UNC45A: variants seen among roughly 807,000 people sequenced by gnomAD.
UNC45A encodes the protein protein unc-45 homolog A.
A neutral mutation model predicts 103.2 loss-of-function variants in UNC45A; 78 were observed. The observed-to-expected ratio is 0.76, with a 90% CI of 0.63 to 0.91. The LOEUF (loss-of-function observed/expected upper bound fraction) is 0.91, where lower values mean the gene tolerates loss of function less well. Among genes scored for constraint, UNC45A ranks in the 40% least tolerant of loss-of-function variants. The pLI is 0.00. For missense variants in UNC45A, 1,193 were observed against 1,224.8 expected (o/e 0.97, Z 0.39); for synonymous variants, 495 against 504.6 (o/e 0.98, Z 0.25).
chr15:90,938,574 G>A (rs1053239983), intron 4 of UNC45A, among the ~76,000 whole-genome samples: 3 of 152,094 alleles, frequency 2.0e-5, no homozygotes, highest in Admixed American at 6.5e-5. Flanking sequence ...AGAGGAAGGC[G>A]GGTGGTCCAC....
At chr15:90,932,324 C>A, upstream of UNC45A, 1 of 824,298 alleles carries the variant, frequency 1.2e-6, no homozygotes, top group Non-Finnish European at 1.8e-6. Flanking sequence ...TCGCACTAAG[C>A]TTGGGACAAA....
In UNC45A at chr15:90,935,629, A is replaced by C. The variant is rs34963697; in HGVS notation, c.137A>C (p.Gln46Pro). 2.5e-6 allele frequency: 4 copies of C among 1,612,892 alleles called. No homozygotes were observed. The highest frequency in any genetic ancestry group is 3.4e-6 in the Non-Finnish European group (4 of 1,179,582). The change falls in exon 2 of 20, where the codon CAG becomes CCG. Residue 46 changes from glutamine (Q) to proline (P), a missense_variant. Gln to Pro is a moderately conservative substitution (Grantham distance 76). Transcript: ENST00000418476. Reference protein sequence around the residue: ...DYGGALAAYTQALGLDATPQD... With the variant: ...DYGGALAAYTPALGLDATPQD... ...GGGGGCGCCCTGGCGGCCTACACTCAGGCCCTGGGTCTGGACGCGACGCCC... is the reference window on the plus strand; with the variant it reads ...GGGGGCGCCCTGGCGGCCTACACTCCGGCCCTGGGTCTGGACGCGACGCCC...
In UNC45A at chr15:90,950,532, G is replaced by A; in HGVS notation, c.2220G>A (p.Leu740=). 2.5e-6 allele frequency: 4 copies of A among 1,614,134 alleles called. No individual in the cohort carries two copies. Among genetic ancestry groups the A allele is most frequent in the Non-Finnish European group, 3.4e-6 (4 of 1,180,016 alleles). The change falls in exon 17 of 20, where the codon CTG becomes CTA. Residue 740 remains leucine, a synonymous_variant. Transcript: ENST00000418476. The part of the protein sequence containing the change: ...IYEVVRPLVS[L]LHLNCSGLQN... ...AGGTGGTCCGGCCCCTCGTCTCCCT[G>A]TTGCACCTCAACTGCTCAGGCCTGC...
chr15:90,948,691 C>T lies in UNC45A; in HGVS notation c.1775C>T (p.Ala592Val), dbSNP rs374735140. ...TCAGTGCTCTTTGCGGTGGCCTCAGCGCTGGTGAACTGCACCAACAGCTAT... is the reference window on the plus strand; with the variant it reads ...TCAGTGCTCTTTGCGGTGGCCTCAGTGCTGGTGAACTGCACCAACAGCTAT... ...ERSVLFAVAS[A>V]LVNCTNSYDY... The change falls in exon 13 of 20, where the codon GCG (alanine) becomes GTG (valine). Residue 592 changes from alanine to valine, a missense_variant. Physicochemically the swap from Ala to Val is moderately conservative, Grantham distance 64. Coordinates refer to ENST00000418476, the MANE Select transcript of UNC45A (RefSeq NM_018671.5). The T allele has an allele frequency of 6.8e-6, 11 of 1,613,920 alleles. No homozygotes were observed. The highest frequency in any genetic ancestry group is 1.6e-4 in the Middle Eastern group (1 of 6,080).
At position 90,953,016 on chromosome 15, in the gene UNC45A, G is replaced by A. The variant is rs2037006189; in HGVS notation, c.2391G>A (p.Glu797=). 6.2e-7 allele frequency: 1 copy of A among 1,613,522 alleles called. No homozygotes were observed. The highest frequency in any genetic ancestry group is 1.1e-5 in the South Asian group (1 of 91,086). ...EHEMIRRAAT[E]CMCNLAMSKE... ...AGATGATCCGCCGGGCAGCCACGGAGTGCATGTGTAACTTGGCCATGAGCA... is the reference window on the plus strand; with the variant it reads ...AGATGATCCGCCGGGCAGCCACGGAATGCATGTGTAACTTGGCCATGAGCA... Residue 797 remains glutamate, a synonymous_variant, in exon 18 of 20, where the codon GAG becomes GAA. Coordinates refer to ENST00000418476, the MANE Select transcript of UNC45A (RefSeq NM_018671.5).
chr15:90,948,963 G>A (rs1567160173), intron 13 of UNC45A, among the ~76,000 whole-genome samples, 169 bp downstream of exon 13: 2 of 142,324 alleles, frequency 1.4e-5, no homozygotes, highest in African/African-American at 2.7e-5. Flanking sequence ...TGCAAGCTCC[G>A]CCTCCCGGGT....
rs774042284 is a variant in UNC45A, at chr15:90,953,460, CCA to C, written c.2585_2586del (p.His862LeufsTer42). 8.1e-5 allele frequency: 131 copies of C among 1,613,350 alleles called. No homozygotes were observed. The highest frequency in any genetic ancestry group is 9.7e-5 in the Non-Finnish European group (114 of 1,180,020). On this transcript the variant is annotated frameshift_variant and splice_region_variant, in exon 20 of 20. Coordinates refer to ENST00000418476, the MANE Select transcript of UNC45A (RefSeq NM_018671.5). LOFTEE classifies it high-confidence loss of function. ...ATATCTACCCTGTTTTTCTCACAGA[CCA>C]CACACTGGCTGGAGATCCTGCAGGC... is the stretch of plus-strand genomic sequence containing the variant.
chr15:90,950,121 AT>A, intron 15 of UNC45A, 32 bp from the exon 16 acceptor site: 1 of 1,544,850 alleles, frequency 6.5e-7, no homozygotes, highest in Non-Finnish European at 8.8e-7. Flanking sequence ...ACTCCCAGGG[AT>A]GTCCTGAGCA....
intron 6 of UNC45A, among the ~76,000 whole-genome samples, chr15:90,941,655 C>T (rs978563066): frequency 2.0e-4 from 30 of 152,068 alleles, no homozygotes; most frequent in Admixed American, 1.1e-3. Flanking sequence ...TAGGGTTCTC[C>T]AGCTTAGAAA....
intron 9 of UNC45A, 102 bp downstream of exon 9, chr15:90,945,165 ATC>A: frequency 6.8e-7 from 1 of 1,465,094 alleles, no homozygotes; most frequent in Middle Eastern, 2.5e-4. Context: ...AGAAACAGTA[ATC>A]TTGGGGAGGA....
At chr15:90,948,363 C>T (rs2036692203) in intron 12 of UNC45A, 80 bp downstream of exon 12, 5 of 1,575,776 alleles carry the variant, frequency 3.2e-6, no homozygotes, top group Non-Finnish European at 4.3e-6. Flanking sequence ...CAGGGCTTGG[C>T]CAATGGGGTC....
At position 90,936,336 on chromosome 15, in the gene UNC45A, C is replaced by T. The variant is rs1432009633; in HGVS notation, c.302C>T (p.Ala101Val). 3.1e-6 allele frequency: 5 copies of T among 1,614,176 alleles called. No homozygotes were observed. The highest frequency in any genetic ancestry group is 4.2e-6 in the Non-Finnish European group (5 of 1,180,032). Residue 101 changes from alanine to valine, a missense_variant, in exon 4 of 20, where the codon GCC becomes GTC. Transcript: ENST00000418476. ...DVKALYRRSQ[A>V]LEKLGRLDQA... is the part of the protein sequence containing the mutation. ...AAAGCACTCTACCGGCGGAGCCAAG[C>T]CCTAGAGAAGCTGGGCCGCCTGGAC...
upstream of UNC45A, chr15:90,931,159 C>A: frequency 7.9e-7 from 1 of 1,270,800 alleles, no homozygotes; most frequent in South Asian, 1.5e-5. Context: ...CTTTTTTTGG[C>A]CTCTAATATC....
rs556943500 is a variant in UNC45A, at chr15:90,937,804, A to G, written c.426+1344A>G. ...CCCAGCCGAAAATATTTTATTTTTT[A>G]AATTTATTTTTATTTTTATTTATTT... On this transcript the variant is annotated intron_variant, in intron 4 of 19. Transcript: ENST00000418476. 4.6e-5 allele frequency among the ~76,000 whole-genome samples: 7 copies of G among 151,790 alleles called. No individual in the cohort carries two copies. The South Asian group carries it at 1.3e-3, about 27-fold the overall frequency.
chr15:90,953,514 T>A lies in UNC45A; in HGVS notation c.2633T>A (p.Leu878Gln). 6.2e-7 allele frequency: 1 copy of A among 1,614,104 alleles called. No homozygotes were observed. Among genetic ancestry groups the A allele is most frequent in the Non-Finnish European group, 8.5e-7 (1 of 1,180,042 alleles). The change falls in exon 20 of 20, where the codon CTG (leucine) becomes CAG (glutamine). Residue 878 changes from leucine to glutamine, a missense_variant. By Grantham distance (113) the Leu-to-Gln change is moderately radical. Transcript: ENST00000418476. ...CTGCTTCTGAGCTCCAACCAGGAGCTGCAGCACCGGGGTGCTGTGGTGGTG... is the reference window on the plus strand; with the variant it reads ...CTGCTTCTGAGCTCCAACCAGGAGCAGCAGCACCGGGGTGCTGTGGTGGTG... ...QALLLSSNQELQHRGAVVVLN... is the reference protein window; with the variant it reads ...QALLLSSNQEQQHRGAVVVLN...
At position 90,948,970 on chromosome 15, in the gene UNC45A, G is replaced by A. The variant is rs986255166; in HGVS notation, c.1878+176G>A. On this transcript the variant is annotated intron_variant, in intron 13 of 19. Transcript: ENST00000418476. ...CGGCTCACTGCAAGCTCCGCCTCCC[G>A]GGTTCATGCCATTCTCCTGCCTCAG... 8.7e-5 allele frequency among the ~76,000 whole-genome samples: 13 copies of A among 149,188 alleles called. 1 individual carries two copies. Among genetic ancestry groups the A allele is most frequent in the African/African-American group, 3.2e-4 (13 of 40,738 alleles).
At chr15:90,934,714 G>GT (rs1382909924), upstream of UNC45A, 1 of 398,468 alleles carries the variant, frequency 2.5e-6, no homozygotes. Flanking sequence ...CAAAGGAGAA[G>GT]TTCAGGGGGC....
At position 90,953,768 on chromosome 15, in the gene UNC45A, G is replaced by A. The variant is rs565197531; in HGVS notation, c.*52G>A. The A allele has an allele frequency of 4.2e-5, 66 of 1,582,814 alleles. No individual in the cohort carries two copies. In the East Asian group the frequency reaches 5.3e-4, roughly 13 times the overall value. On this transcript the variant is annotated 3_prime_UTR_variant, in exon 20 of 20. Coordinates refer to ENST00000418476, the MANE Select transcript of UNC45A (RefSeq NM_018671.5). Reference sequence around the variant, plus strand: ...ATGCACACGCTACCTATTGTGGCACGGAGAGTAAGGACGGAAGCAGCTTTG... The same window carrying A: ...ATGCACACGCTACCTATTGTGGCACAGAGAGTAAGGACGGAAGCAGCTTTG...
chr15:90,948,446 G>A, intron 12 of UNC45A, 163 bp downstream of exon 12: 3 of 1,275,322 alleles, frequency 2.4e-6, no homozygotes, highest in Non-Finnish European at 3.2e-6. Context: ...GCCAGCACCA[G>A]TGGTGTTAGC....
Sources: gnomAD v4.1 joint callset for allele counts (sites outside exome capture counted in the v4.1 genomes callset) on GRCh38, gnomAD v4.1.1 for gene constraint, MANE v1.5 for transcripts, NCBI Gene and HGNC (gene_info 2026-07-23, HGNC 2026-07-21) for gene names.